Variants in MELK observed in about 807,000 individuals in gnomAD.
MELK encodes the protein pEg3 kinase.
In MELK, 81 loss-of-function variants were observed where a neutral mutation model predicts 85.0. That is an observed-to-expected ratio of 0.95 (90% CI 0.80 to 1.15). The LOEUF is 1.15. Among genes scored for constraint, MELK ranks in the 50% most tolerant of loss-of-function variants. MELK has a pLI of 0.00. For synonymous variants in MELK, 252 were observed against 265.0 expected, an observed-to-expected ratio of 0.95 and a Z score of 0.48; for missense variants, 754 against 777.5, an observed-to-expected ratio of 0.97 and a Z score of 0.36.
At chr9:36,664,176 A>C (rs1832118491) in intron 13 of MELK, among the ~76,000 whole-genome samples, 1 of 151,974 alleles carries the variant, frequency 6.6e-6, no homozygotes, top group Non-Finnish European at 1.5e-5. Context: ...TCTTTTTCAA[A>C]TCTATTTGAA....
chr9:36,675,517 A>G (rs1446435112), intron 17 of MELK, among the ~76,000 whole-genome samples: 1 of 152,166 alleles, frequency 6.6e-6, no homozygotes, highest in Non-Finnish European at 1.5e-5. Context: ...TTTTCCTTTG[A>G]TTGTCTGCTT....
intron 7 of MELK, among the ~76,000 whole-genome samples, chr9:36,606,476 TACATATGTATAGGTGTGTATATAATAA>T (rs1564151696): frequency 5.6e-5 from 8 of 141,686 alleles, no homozygotes; most frequent in Non-Finnish European, 3.0e-5. Context: ...TGTATATATA[TACATATGTATAGGTGTGTATATAATAA>T]ATACATATGT....
rs1832472394 is a variant in MELK at position 36,667,275 on chromosome 9, C to A, written c.1408+1694C>A. 2.0e-5 allele frequency among the ~76,000 whole-genome samples: 3 copies of A among 151,972 alleles called. No homozygotes were observed. The South Asian group carries it at 6.2e-4, about 32-fold the overall frequency. ...GGTTCAAGCGATTCTCCTGCCTCAG[C>A]CTCCCTAGTAGCTGGGATTACAGGC... is the stretch of plus-strand genomic sequence containing the variant. On this transcript the variant is annotated intron_variant, in intron 14 of 17. Coordinates refer to ENST00000298048, the MANE Select transcript of MELK (RefSeq NM_014791.4).
chr9:36,660,955 C>T (rs998195199), intron 13 of MELK, among the ~76,000 whole-genome samples: 1 of 151,946 alleles, frequency 6.6e-6, no homozygotes, highest in Non-Finnish European at 1.5e-5. Flanking sequence ...CACGCCATTA[C>T]ACTCCAGCCT....
chr9:36,671,789 T>C (rs1396427046), intron 16 of MELK, among the ~76,000 whole-genome samples: 1 of 152,210 alleles, frequency 6.6e-6, no homozygotes, highest in African/African-American at 2.4e-5. Flanking sequence ...TCTTGGATTC[T>C]CTCTGAGCAT....
At chr9:36,674,752 GT>G (rs1430615681) in intron 16 of MELK, 81 bp from the exon 17 acceptor site, 12 of 790,954 alleles carry the variant, frequency 1.5e-5, no homozygotes, top group Non-Finnish European at 2.5e-5. Flanking sequence ...ATATTGAGGA[GT>G]TTTGGAACTC....
intron 13 of MELK, among the ~76,000 whole-genome samples, chr9:36,659,338 G>T (rs1217871832): frequency 6.6e-6 from 1 of 152,134 alleles, no homozygotes. Flanking sequence ...TTCTTTGCAT[G>T]TATATGTCTT....
chr9:36,579,090 C>T (rs989376141), intron 1 of MELK, among the ~76,000 whole-genome samples: 4 of 151,972 alleles, frequency 2.6e-5, no homozygotes, highest in Admixed American at 2.0e-4. Context: ...TGCAGTGGCA[C>T]GATCTCGGCT....
intron 3 of MELK, among the ~76,000 whole-genome samples, 177 bp from the exon 4 acceptor site, chr9:36,589,359 A>G (rs568553453): frequency 4.6e-5 from 7 of 152,204 alleles, no homozygotes; most frequent in African/African-American, 1.7e-4. Flanking sequence ...CGTGTTAGCC[A>G]GGATGGTCTC....
At chr9:36,613,719 G>C (rs1826265824) in intron 8 of MELK, among the ~76,000 whole-genome samples, 1 of 152,144 alleles carries the variant, frequency 6.6e-6, no homozygotes, top group Admixed American at 6.6e-5. Flanking sequence ...ATTTCCGGCA[G>C]AGGGAACAGC....
intron 5 of MELK, 76 bp downstream of exon 5, chr9:36,594,847 GATTAGGA>G (rs1824016772): frequency 1.4e-6 from 2 of 1,461,174 alleles, no homozygotes; most frequent in Non-Finnish European, 1.8e-6. Flanking sequence ...CAAATGATCT[GATTAGGA>G]ATCTATCTTT....
At chr9:36,598,841 G>A (rs1299731732) in intron 6 of MELK, among the ~76,000 whole-genome samples, 1 of 152,158 alleles carries the variant, frequency 6.6e-6, no homozygotes, top group East Asian at 1.9e-4. Flanking sequence ...TGAGCTAAGG[G>A]GAAAGGATTT....
chr9:36,636,462 A>G lies in MELK; in HGVS notation c.834+3262A>G, dbSNP rs1036723094. Among the ~76,000 whole-genome samples, 7 of 152,248 alleles carry G rather than the reference A, an allele frequency of 4.6e-5. No individual in the cohort carries two copies. The South Asian group carries it at 1.0e-3, about 23-fold the overall frequency. On this transcript the variant is annotated intron_variant, in intron 10 of 17. Transcript: ENST00000298048. ...GGTTGCAGTGAGCCAAGATTGCGCC[A>G]TTGCACTCCAGCCTGGGCAACATGA... is the stretch of plus-strand genomic sequence containing the variant.
intron 8 of MELK, among the ~76,000 whole-genome samples, chr9:36,622,758 G>A (rs190659203): frequency 2.6e-5 from 4 of 152,212 alleles, no homozygotes; most frequent in East Asian, 1.9e-4. Context: ...TTACAATTAC[G>A]GAGTTTACTA....
At chr9:36,587,370 G>T (rs1270048307) in intron 3 of MELK, among the ~76,000 whole-genome samples, 1 of 152,026 alleles carries the variant, frequency 6.6e-6, no homozygotes, top group Non-Finnish European at 1.5e-5. Flanking sequence ...AGGCTGGAGT[G>T]CAGGGGTGTG....
At chr9:36,664,723 G>A (rs1832166564) in intron 13 of MELK, among the ~76,000 whole-genome samples, 1 of 152,100 alleles carries the variant, frequency 6.6e-6, no homozygotes, top group Non-Finnish European at 1.5e-5. Context: ...TGGGAGCTTT[G>A]GTTCTAACTC....
At chr9:36,573,666 C>T (rs1391590159) in intron 1 of MELK, among the ~76,000 whole-genome samples, 2 of 152,150 alleles carry the variant, frequency 1.3e-5, no homozygotes, top group Non-Finnish European at 2.9e-5. Flanking sequence ...CCACCACGCC[C>T]GGCTCATTTT....
chr9:36,593,664 C>T (rs1038459624), intron 4 of MELK, among the ~76,000 whole-genome samples: 3 of 152,182 alleles, frequency 2.0e-5, no homozygotes, highest in Middle Eastern at 3.4e-3. Context: ...CTTTAAGGTA[C>T]GTTTTTTGTT....
intron 7 of MELK, among the ~76,000 whole-genome samples, chr9:36,603,204 T>A (rs573367989): frequency 6.6e-6 from 1 of 152,160 alleles, no homozygotes; most frequent in South Asian, 2.1e-4. Context: ...TCATTTGAGA[T>A]ACTTACTAAA....
Sources: allele counts gnomAD v4.1 joint callset (sites outside exome capture counted in the v4.1 genomes callset), GRCh38; gene constraint gnomAD v4.1.1; transcripts MANE v1.5; gene names NCBI Gene and HGNC (gene_info 2026-07-23, HGNC 2026-07-21).